The following BAD variants were observed in gnomAD, a reference collection of about 807,000 sequenced individuals.
The protein encoded by BAD is bcl2-associated agonist of cell death.
In BAD, 18 loss-of-function variants were observed where a neutral mutation model predicts 17.8. The observed-to-expected ratio is 1.01, with a 90% confidence interval of 0.70 to 1.50. The LOEUF is 1.50. Ranked by LOEUF, BAD falls within the 40% of genes most tolerant of loss-of-function variation. The pLI is 0.00. For missense variants in BAD, 294 were observed against 239.3 expected (o/e 1.23, Z -1.51); for synonymous variants, 112 against 91.5 (o/e 1.22, Z -1.28).
chr11:64,274,774 T>C (rs2032926262), intron 2 of BAD, among the ~76,000 whole-genome samples: 1 of 151,556 alleles, frequency 6.6e-6, no homozygotes, highest in African/African-American at 2.4e-5. Flanking sequence ...TGAGCCGAGA[T>C]TGCACCACTG....
At chr11:64,274,694 G>A (rs998120997) in intron 2 of BAD, among the ~76,000 whole-genome samples, 12 of 152,088 alleles carry the variant, frequency 7.9e-5, no homozygotes, top group Non-Finnish European at 1.5e-4. Context: ...GGTGGCGCGA[G>A]CCTGTAATCC....
Position 64,269,899 on chromosome 11 carries a change from G to A in BAD, c.*310C>T, listed in dbSNP as rs1454049097. The A allele has an allele frequency of 5.7e-6, 4 of 700,540 alleles. No individual in the cohort carries two copies. The highest frequency in any genetic ancestry group is 3.5e-5 in the African/African-American group (2 of 57,288). The allele number at this position is 700,540 out of a possible 1,614,324, so 43.4% of individuals were successfully genotyped here. A position where few individuals can be genotyped will look rare whatever the true frequency, so the allele number is the denominator to read the frequency against. ...GCCCCCAGGGCATCGCGGGGGCTCG[G>A]GTCCCGGTGACGCAACGGTTAAACC... is the stretch of plus-strand genomic sequence containing the variant. On this transcript the variant is annotated 3_prime_UTR_variant, in exon 4 of 4. Transcript: ENST00000309032.
Position 64,284,635 on chromosome 11 carries a change from A to G in BAD, c.-13T>C. On this transcript the variant is annotated 5_prime_UTR_variant, in exon 1 of 4. Coordinates refer to ENST00000309032, the MANE Select transcript of BAD (RefSeq NM_032989.3). ...GTGACGGCGCACAGGTCTCACCCCA[A>G]GCCCGATCTCGAGGCCCCTGACCCG... The G allele has an allele frequency of 2.0e-6, 3 of 1,528,802 alleles. No homozygotes were observed. The highest frequency in any genetic ancestry group is 2.6e-6 in the Non-Finnish European group (3 of 1,143,498). 94.7% of individuals were successfully genotyped at this position (1,528,802 alleles called of 1,614,324 possible).
At chr11:64,276,766 C>G (rs1347568153) in intron 2 of BAD, 1 of 600,368 alleles carries the variant, frequency 1.7e-6, no homozygotes, top group Non-Finnish European at 3.0e-6. Flanking sequence ...AGGGGTGTGG[C>G]TCCTCCTTGG....
rs34577596 is a variant in BAD at position 64,273,855 on chromosome 11, C to CAAAAAA, written c.188-2058_188-2053dup. ...CAAGATCACGCCACTGCACCCATCT[C>CAAAAAA]AAAAAAAAAAAAAAAAAAAAAAAAA... is the stretch of plus-strand genomic sequence containing the variant. On this transcript the variant is annotated intron_variant, in intron 2 of 3. Coordinates refer to ENST00000309032, the MANE Select transcript of BAD (RefSeq NM_032989.3). Among the ~76,000 whole-genome samples the CAAAAAA allele has an allele frequency of 2.7e-4, 15 of 54,794 alleles. 1 individual carries two copies. Among genetic ancestry groups the CAAAAAA allele is most frequent in the East Asian group, 1.3e-3 (2 of 1,500 alleles). The allele number at this position is 54,794 out of a possible 152,430, so 35.9% of individuals were successfully genotyped here.
intron 2 of BAD, among the ~76,000 whole-genome samples, chr11:64,280,358 A>ATTT (rs1168306795): frequency 1.5e-5 from 2 of 132,316 alleles, no homozygotes; most frequent in East Asian, 4.4e-4. Context: ...AATAATAATA[A>ATTT]TTTTTTTTTT....
At chr11:64,273,366 C>T (rs536010398) in intron 2 of BAD, among the ~76,000 whole-genome samples, 1 of 152,198 alleles carries the variant, frequency 6.6e-6, no homozygotes, top group East Asian at 1.9e-4. Flanking sequence ...GAGCGAGACT[C>T]TGTCTCAAAT....
intron 2 of BAD, chr11:64,272,867 G>A (rs1270081998): frequency 6.6e-6 from 1 of 152,274 alleles, no homozygotes; most frequent in Non-Finnish European, 1.5e-5. Context: ...TCACCTTTAT[G>A]AGGGGATAAT....
chr11:64,280,965 G>C (rs2135136218), intron 2 of BAD, among the ~76,000 whole-genome samples: 1 of 145,512 alleles, frequency 6.9e-6, no homozygotes, highest in South Asian at 2.2e-4. Flanking sequence ...ACCACGCCCG[G>C]CCAATAATAA....
At chr11:64,273,855 C>CAAAAAAAAAAAAAAAAAAAAAAAAAA (rs34577596) in intron 2 of BAD, among the ~76,000 whole-genome samples, 1 of 54,820 alleles carries the variant, frequency 1.8e-5, no homozygotes, top group African/African-American at 7.5e-5. Flanking sequence ...GCACCCATCT[C>CAAAAAAAAAAAAAAAAAAAAAAAAAA]AAAAAAAAAA....
In BAD at chr11:64,281,317, C is replaced by T. The variant is rs1279088275; in HGVS notation, c.187+2865G>A. On this transcript the variant is annotated intron_variant, in intron 2 of 3. Coordinates refer to ENST00000309032, the MANE Select transcript of BAD (RefSeq NM_032989.3). ...ATCATCCTGACTCCTCTCTTTCCCT[C>T]GCACCCCACATCCAGTCCATCAGCA... Among the ~76,000 whole-genome samples the T allele has an allele frequency of 3.9e-5, 6 of 152,146 alleles. No individual in the cohort carries two copies. The East Asian group carries it at 7.7e-4, about 20-fold the overall frequency.
At chr11:64,276,328 A>ATG (rs2033065574) in intron 2 of BAD, 2 of 66,540 alleles carry the variant, frequency 3.0e-5, no homozygotes, top group Admixed American at 1.6e-4. Flanking sequence ...ATATATATAT[A>ATG]TGTATTTTTT....
At position 64,270,331 on chromosome 11, in the gene BAD, G is replaced by A; in HGVS notation, c.385C>T (p.Leu129Phe). The change falls in exon 4 of 4, where the codon CTT becomes TTT. Residue 129 changes from leucine to phenylalanine, a missense_variant. Leu to Phe is a conservative substitution (Grantham distance 22). Coordinates refer to ENST00000309032, the MANE Select transcript of BAD (RefSeq NM_032989.3). The stretch of plus-strand genomic sequence containing the variant: ...GTGCCCGCGCTCTTCGGGCGAGGAA[G>A]TCCCTTCTGGTGGAGGGAGAAAAGG... ...DEFVDSFKKG[L>F]PRPKSAGTAT... is the part of the protein sequence containing the mutation. 2 of 1,554,038 alleles carry A rather than the reference G, an allele frequency of 1.3e-6. No homozygotes were observed. The highest frequency in any genetic ancestry group is 1.7e-6 in the Non-Finnish European group (2 of 1,146,070).
At chr11:64,271,866 G>C in intron 2 of BAD, 63 bp from the exon 3 acceptor site, 2 of 1,270,870 alleles carry the variant, frequency 1.6e-6, no homozygotes, top group South Asian at 2.3e-5. Flanking sequence ...CCCTGGCCCT[G>C]CCTGAACCCT....
Position 64,270,323 on chromosome 11 carries a change from G to A in BAD, c.393C>T (p.Arg131=), listed in dbSNP as rs2032413270. 1.3e-6 allele frequency: 2 copies of A among 1,561,754 alleles called. No homozygotes were observed. The highest frequency in any genetic ancestry group is 8.7e-7 in the Non-Finnish European group (1 of 1,148,946). Residue 131 remains arginine (R), a synonymous_variant, in exon 4 of 4, where the codon CGC becomes CGT. Transcript: ENST00000309032. ...FVDSFKKGLP[R]PKSAGTATQM... is the part of the protein sequence containing the mutation. Reference sequence around the variant, plus strand: ...GCGTTGCTGTGCCCGCGCTCTTCGGGCGAGGAAGTCCCTTCTGGTGGAGGG... The same window carrying A: ...GCGTTGCTGTGCCCGCGCTCTTCGGACGAGGAAGTCCCTTCTGGTGGAGGG...
intron 2 of BAD, among the ~76,000 whole-genome samples, chr11:64,277,528 C>T (rs974918665): frequency 6.6e-6 from 1 of 152,208 alleles, no homozygotes; most frequent in African/African-American, 2.4e-5. Context: ...GCCTCAAAAT[C>T]CTAGGCGCAA....
intron 3 of BAD, chr11:64,270,565 G>A: frequency 1.4e-6 from 1 of 717,498 alleles, no homozygotes; most frequent in South Asian, 1.5e-5. Flanking sequence ...GACGGGAAGA[G>A]AGGATGCCTA....
At chr11:64,270,480 G>A (rs2032425433) in intron 3 of BAD, 143 bp from the exon 4 acceptor site, 3 of 1,184,724 alleles carry the variant, frequency 2.5e-6, no homozygotes, top group Non-Finnish European at 2.3e-6. Flanking sequence ...CACGCCGGGC[G>A]GTCAGGGACG....
chr11:64,276,816 C>G, intron 2 of BAD: 2 of 672,462 alleles, frequency 3.0e-6, no homozygotes, highest in Non-Finnish European at 5.5e-6. Context: ...CCCACTCTTG[C>G]CATCCGCCTA....
Sources: gnomAD v4.1 joint callset for allele counts (sites outside exome capture counted in the v4.1 genomes callset) on GRCh38, gnomAD v4.1.1 for gene constraint, MANE v1.5 for transcripts, NCBI Gene and HGNC (gene_info 2026-07-23, HGNC 2026-07-21) for gene names.